Variants in GLIPR1L1 observed in about 807,000 individuals in gnomAD.
GLIPR1L1 encodes the protein GLIPR1-like protein 1.
In GLIPR1L1, 26 loss-of-function variants were observed where a neutral mutation model predicts 29.9. The observed-to-expected ratio is 0.87, with a 90% CI of 0.64 to 1.21. GLIPR1L1 has a LOEUF of 1.21. GLIPR1L1 is among the 50% of genes most tolerant of loss of function. The probability of loss-of-function intolerance (pLI) is 0.00; values close to 1 mark genes in which losing one functional copy is unlikely to be tolerated. For synonymous variants in GLIPR1L1, 77 were observed against 97.5 expected, an observed-to-expected ratio of 0.79 and a Z score of 1.24; for missense variants, 305 against 290.3, an observed-to-expected ratio of 1.05 and a Z score of -0.37.
At chr12:75,356,834 A>G (rs1249744308) in intron 3 of GLIPR1L1, among the ~76,000 whole-genome samples, 3 of 152,156 alleles carry the variant, frequency 2.0e-5, no homozygotes, top group Admixed American at 2.0e-4. Context: ...TTGAATATAA[A>G]AACACAAATA....
Position 75,370,321 on chromosome 12 carries a change from A to G in GLIPR1L1, c.*145A>G. The G allele has an allele frequency of 1.8e-6, 1 of 559,648 alleles. No individual in the cohort carries two copies. The highest frequency in any genetic ancestry group is 3.2e-6 in the Non-Finnish European group (1 of 314,488). 34.7% of individuals were successfully genotyped at this position (559,648 alleles called of 1,614,324 possible). ...AAATTTAATGTTTGTTTTTAACTCA[A>G]AAAATGTACTGTAGTATGGAAAATG... On this transcript the variant is annotated 3_prime_UTR_variant, in exon 6 of 6. Transcript: ENST00000378695.
chr12:75,340,224 T>A (rs1189582797), intron 1 of GLIPR1L1, among the ~76,000 whole-genome samples: 3 of 151,546 alleles, frequency 2.0e-5, no homozygotes, highest in Admixed American at 1.3e-4. Context: ...TTAGACCGTT[T>A]CCATATTTTT....
intron 1 of GLIPR1L1, among the ~76,000 whole-genome samples, chr12:75,343,132 A>G (rs774917101): frequency 1.1e-4 from 17 of 151,970 alleles, no homozygotes; most frequent in Non-Finnish European, 2.4e-4. Flanking sequence ...TTTACAACTC[A>G]TGTATTTTAT....
intron 4 of GLIPR1L1, among the ~76,000 whole-genome samples, chr12:75,367,703 A>G (rs1181302864): frequency 6.6e-6 from 1 of 151,984 alleles, no homozygotes; most frequent in East Asian, 1.9e-4. Context: ...CAGTTTATTG[A>G]TTTTCTTGGA....
intron 3 of GLIPR1L1, among the ~76,000 whole-genome samples, chr12:75,354,589 T>C (rs924041059): frequency 6.6e-6 from 1 of 152,100 alleles, no homozygotes; most frequent in African/African-American, 2.4e-5. Flanking sequence ...GCTATTCCCA[T>C]TAAACTCATT....
intron 1 of GLIPR1L1, among the ~76,000 whole-genome samples, chr12:75,336,508 T>C (rs2041748832): frequency 6.6e-6 from 1 of 151,748 alleles, no homozygotes; most frequent in Admixed American, 6.6e-5. Flanking sequence ...ATAGAATAGC[T>C]ATATTTATGG....
chr12:75,357,270 A>G (rs547119519), intron 3 of GLIPR1L1, among the ~76,000 whole-genome samples: 1 of 152,348 alleles, frequency 6.6e-6, no homozygotes, highest in East Asian at 1.9e-4. Flanking sequence ...TATCAGAGAT[A>G]AATTTCACTT....
At chr12:75,344,138 G>A (rs957065789) in intron 2 of GLIPR1L1, among the ~76,000 whole-genome samples, 200 bp downstream of exon 2, 2 of 151,894 alleles carry the variant, frequency 1.3e-5, no homozygotes, top group Admixed American at 6.6e-5. Context: ...TGGCCTTTTT[G>A]AAGTTGTAAG....
At chr12:75,346,661 T>C (rs771395526) in intron 2 of GLIPR1L1, among the ~76,000 whole-genome samples, 15 of 152,236 alleles carry the variant, frequency 9.9e-5, no homozygotes, top group Non-Finnish European at 1.6e-4. Flanking sequence ...ATCTCGTTTT[T>C]AAGTTCTCAG....
rs191896657 is a variant in GLIPR1L1, at chr12:75,335,544, A to G, written c.174+642A>G. ...TATGAGCATAAACGTTGATAGTATTAGTCTATTTTATGTGCTATGCAGATG... is the reference window on the plus strand; with the variant it reads ...TATGAGCATAAACGTTGATAGTATTGGTCTATTTTATGTGCTATGCAGATG... On this transcript the variant is annotated intron_variant, in intron 1 of 5. Transcript: ENST00000378695. 9.2e-5 allele frequency among the ~76,000 whole-genome samples: 14 copies of G among 152,292 alleles called. No individual in the cohort carries two copies. In the East Asian group the frequency reaches 2.1e-3, roughly 23 times the overall value.
At chr12:75,360,870 T>A (rs895069131) in intron 3 of GLIPR1L1, 2 of 152,176 alleles carry the variant, frequency 1.3e-5, no homozygotes, top group African/African-American at 2.4e-5. Flanking sequence ...TTTCCATATG[T>A]CCTCTGAAAT....
intron 3 of GLIPR1L1, among the ~76,000 whole-genome samples, chr12:75,350,789 A>G (rs1236207718): frequency 6.6e-6 from 1 of 152,224 alleles, no homozygotes; most frequent in Non-Finnish European, 1.5e-5. Flanking sequence ...GTGTCTCTTC[A>G]GCTGCAAATG....
Position 75,343,653 on chromosome 12 carries a change from A to G in GLIPR1L1, c.175-40A>G, listed in dbSNP as rs369522983. On this transcript the variant is annotated intron_variant, in intron 1 of 5. Coordinates refer to ENST00000378695, the MANE Select transcript of GLIPR1L1 (RefSeq NM_001304964.2). ...ATAATTAGAATAATTTAATGCAAAT[A>G]CTTATGCACAATTCAATTTAAATTA... 2.3e-5 allele frequency: 33 copies of G among 1,411,626 alleles called. No individual in the cohort carries two copies. In the African/African-American group the frequency reaches 4.7e-4, roughly 20 times the overall value. 87.4% of individuals were successfully genotyped at this position (1,411,626 alleles called of 1,614,324 possible).
intron 4 of GLIPR1L1, among the ~76,000 whole-genome samples, chr12:75,368,700 C>T (rs2044158996): frequency 6.6e-6 from 1 of 151,916 alleles, no homozygotes. Context: ...GTATTAGACT[C>T]ATTTTAAAAA....
intron 1 of GLIPR1L1, among the ~76,000 whole-genome samples, chr12:75,339,360 G>C (rs2041949424): frequency 6.6e-6 from 1 of 152,046 alleles, no homozygotes; most frequent in African/African-American, 2.4e-5. Context: ...CTGATGTTGA[G>C]CTTTTTTTCA....
chr12:75,362,723 T>C (rs777074106), intron 3 of GLIPR1L1, among the ~76,000 whole-genome samples: 27 of 152,168 alleles, frequency 1.8e-4, no homozygotes, highest in Non-Finnish European at 3.2e-4. Context: ...ACTATGATAT[T>C]ATACTTTAAA....
intron 4 of GLIPR1L1, chr12:75,366,845 C>T: frequency 1.4e-6 from 1 of 700,340 alleles, no homozygotes; most frequent in Non-Finnish European, 2.6e-6. Flanking sequence ...GCTCTATATG[C>T]ATTTCTTGAA....
intron 4 of GLIPR1L1, chr12:75,365,179 A>G (rs1043451863): frequency 1.4e-4 from 21 of 152,194 alleles, no homozygotes; most frequent in African/African-American, 5.1e-4. Flanking sequence ...AAAGCAGATC[A>G]GGCTCAATGG....
At chr12:75,346,629 T>C (rs968591330) in intron 2 of GLIPR1L1, among the ~76,000 whole-genome samples, 2 of 152,184 alleles carry the variant, frequency 1.3e-5, no homozygotes, top group African/African-American at 4.8e-5. Context: ...GACCTCGCAA[T>C]CTGCCCGCCT....
Sources: gnomAD v4.1 joint callset for allele counts (sites outside exome capture counted in the v4.1 genomes callset) on GRCh38, gnomAD v4.1.1 for gene constraint, MANE v1.5 for transcripts, NCBI Gene and HGNC (gene_info 2026-07-23, HGNC 2026-07-21) for gene names.